DNAH3: variants seen among roughly 807,000 people sequenced by gnomAD.
DNAH3 encodes the protein dynein axonemal heavy chain 3.
In DNAH3, 332 loss-of-function variants were observed where a neutral mutation model predicts 432.5. The ratio of observed to expected loss-of-function variants is 0.77; its 90% CI spans 0.70 to 0.84. The LOEUF (loss-of-function observed/expected upper bound fraction) is 0.84. Among genes scored for constraint, DNAH3 ranks in the 40% least tolerant of loss-of-function variants. The pLI is 0.00. For missense variants in DNAH3, 4,861 were observed against 5,114.0 expected (o/e 0.95, Z 1.51); for synonymous variants, 1,956 against 1,900.2 (o/e 1.03, Z -0.76).
intron 53 of DNAH3, among the ~76,000 whole-genome samples, chr16:20,962,275 G>C (rs897254065): frequency 3.3e-5 from 5 of 152,202 alleles, no homozygotes; most frequent in Non-Finnish European, 5.9e-5. Flanking sequence ...ATTAAAGTCA[G>C]TGGTTCCCAT....
At chr16:21,076,672 T>TGAAC (rs1440073847) in intron 20 of DNAH3, among the ~76,000 whole-genome samples, 6 of 152,140 alleles carry the variant, frequency 3.9e-5, no homozygotes, top group African/African-American at 1.2e-4. Flanking sequence ...TCCCTCTGCT[T>TGAAC]GAACCCTCAT....
At chr16:20,964,638 A>T in exon 53 of DNAH3, 1 of 1,614,182 alleles carries the variant, frequency 6.2e-7, no homozygotes, top group Non-Finnish European at 8.5e-7. Flanking sequence ...CGTGAGGGTC[A>T]ATCATTAAGG....
At chr16:21,143,875 T>C (rs1229693362) in intron 3 of DNAH3, among the ~76,000 whole-genome samples, 1 of 151,956 alleles carries the variant, frequency 6.6e-6, no homozygotes, top group African/African-American at 2.4e-5. Flanking sequence ...GGAAAGATAG[T>C]CATTTAAACA....
intron 16 of DNAH3, among the ~76,000 whole-genome samples, chr16:21,101,810 A>G (rs2091844527): frequency 6.6e-6 from 1 of 151,652 alleles, no homozygotes; most frequent in South Asian, 2.1e-4. Flanking sequence ...CTTGCTAGCT[A>G]CTCTCCCACC....
intron 36 of DNAH3, among the ~76,000 whole-genome samples, chr16:21,032,775 T>C (rs1262808592): frequency 2.0e-5 from 3 of 152,130 alleles, no homozygotes; most frequent in African/African-American, 7.2e-5. Context: ...ACTGTGCCAC[T>C]GCACTATCTC....
In DNAH3 at chr16:21,105,920, C is replaced by T. The variant is rs570053629; in HGVS notation, c.2284+570G>A. On this transcript the variant is annotated intron_variant, in intron 15 of 61. Transcript: ENST00000261383. ...GAGGTCGGCCAGGCCCCATGGCTCA[C>T]GCCTGTAATCCCAGCACTTGGGAGG... Among the ~76,000 whole-genome samples the T allele has an allele frequency of 7.9e-5, 12 of 152,212 alleles. No homozygotes were observed. In the East Asian group the frequency reaches 1.5e-3, roughly 20 times the overall value.
Position 21,146,047 on chromosome 16 carries a change from CT to C in DNAH3, c.158del (p.Gln53ArgfsTer33), listed in dbSNP as rs777950479. 5.6e-6 allele frequency: 9 copies of C among 1,613,928 alleles called. No homozygotes were observed. Among genetic ancestry groups the C allele is most frequent in the South Asian group, 3.3e-5 (3 of 91,058 alleles). On this transcript the variant is annotated frameshift_variant, in exon 2 of 62. Transcript: ENST00000261383. LOFTEE classifies it high-confidence loss of function. Reference sequence around the variant, plus strand: ...GCAGAGGAGGCAGCTCTGGCTGCCCCTGGGAGTGGCTCATGTGATGTATGGA... The same window carrying C: ...GCAGAGGAGGCAGCTCTGGCTGCCCCGGGAGTGGCTCATGTGATGTATGGA...
chr16:20,935,349 T>A, exon 61 of DNAH3: 1 of 1,613,964 alleles, frequency 6.2e-7, no homozygotes, highest in Non-Finnish European at 8.5e-7. Context: ...CACCCCTACC[T>A]CAAACTCAAA....
At chr16:21,060,405 G>A (rs748646728) in intron 25 of DNAH3, 49 bp from the exon 26 acceptor site, 27 of 1,448,902 alleles carry the variant, frequency 1.9e-5, no homozygotes, top group Non-Finnish European at 2.6e-5. Flanking sequence ...AAAGCCCAGA[G>A]GGAGGGAGAG....
chr16:21,010,937 C>T (rs1255328839), intron 41 of DNAH3, among the ~76,000 whole-genome samples: 2 of 139,280 alleles, frequency 1.4e-5, no homozygotes, highest in Admixed American at 1.5e-4. Flanking sequence ...TTAAAAAAAA[C>T]AAGCTGCTGC....
intron 41 of DNAH3, among the ~76,000 whole-genome samples, chr16:21,007,763 ACAT>A: frequency 6.6e-6 from 1 of 152,260 alleles, no homozygotes. Context: ...TTGTCTTAAG[ACAT>A]CATTGCCTAC....
At chr16:20,950,828 G>A (rs908907798) in intron 56 of DNAH3, among the ~76,000 whole-genome samples, 1 of 152,022 alleles carries the variant, frequency 6.6e-6, no homozygotes, top group African/African-American at 2.4e-5. Flanking sequence ...TTGTATGTGT[G>A]TATGTTTTTT....
intron 6 of DNAH3, among the ~76,000 whole-genome samples, chr16:21,134,839 A>G (rs536497407): frequency 6.6e-6 from 1 of 152,216 alleles, no homozygotes; most frequent in South Asian, 2.1e-4. Flanking sequence ...GGTGGCTGCC[A>G]CCACACCTGC....
chr16:21,103,356 G>GC (rs1555558916), intron 16 of DNAH3, among the ~76,000 whole-genome samples: 4 of 148,632 alleles, frequency 2.7e-5, no homozygotes, highest in Admixed American at 1.3e-4. Flanking sequence ...TGTGTGTGTG[G>GC]GGGGGGGCAG....
At chr16:20,990,165 A>G (rs2152679926) in intron 44 of DNAH3, among the ~76,000 whole-genome samples, 1 of 152,356 alleles carries the variant, frequency 6.6e-6, no homozygotes, top group African/African-American at 2.4e-5. Flanking sequence ...GCCCAGAGCG[A>G]GCCAGGGCTG....
At chr16:20,954,705 T>C (rs1324302115) in intron 55 of DNAH3, 108 bp downstream of exon 55, 1 of 1,272,726 alleles carries the variant, frequency 7.9e-7, no homozygotes, top group Non-Finnish European at 1.1e-6. Flanking sequence ...TACCGTATCT[T>C]ACTGGCAACC....
In DNAH3 at chr16:21,073,548, G is replaced by A. The variant is rs547504364; in HGVS notation, c.3084+1899C>T. On this transcript the variant is annotated intron_variant, in intron 21 of 61. Coordinates refer to ENST00000261383, the Ensembl canonical transcript of DNAH3. ...GTTGGGTCTCAGAACATGATACCCCGAAGCATTGCACCTTGATTTGCTGAG... is the reference window on the plus strand; with the variant it reads ...GTTGGGTCTCAGAACATGATACCCCAAAGCATTGCACCTTGATTTGCTGAG... Among the ~76,000 whole-genome samples, 156 of 152,022 alleles carry A rather than the reference G, an allele frequency of 1.0e-3. 1 individual carries two copies. The highest frequency in any genetic ancestry group is 1.7e-3 in the Non-Finnish European group (117 of 68,020).
At chr16:21,106,103 C>A (rs937239694) in intron 15 of DNAH3, among the ~76,000 whole-genome samples, 3 of 151,404 alleles carry the variant, frequency 2.0e-5, no homozygotes, top group African/African-American at 7.3e-5. Context: ...TTGCTTGAAC[C>A]CAGGAGGCGG....
chr16:20,949,635 G>A (rs942489520), intron 56 of DNAH3, among the ~76,000 whole-genome samples: 1 of 152,192 alleles, frequency 6.6e-6, no homozygotes, highest in Non-Finnish European at 1.5e-5. Context: ...TGTTGAGATG[G>A]TGGCAGTAAC....
Sources: gnomAD v4.1 joint callset for allele counts (sites outside exome capture counted in the v4.1 genomes callset) on GRCh38, gnomAD v4.1.1 for gene constraint, MANE v1.5 for transcripts, NCBI Gene and HGNC (gene_info 2026-07-23, HGNC 2026-07-21) for gene names.